PDE1C: variants seen among roughly 807,000 people sequenced by gnomAD.
PDE1C encodes phosphodiesterase 1C, also known as dual specificity calcium/calmodulin-dependent 3',5'-cyclic nucleotide phosphodiesterase 1C.
PDE1C carries 62 observed loss-of-function variants against 93.1 expected under a neutral mutation model. The ratio of observed to expected loss-of-function variants is 0.67; its 90% confidence interval spans 0.54 to 0.82. The LOEUF (loss-of-function observed/expected upper bound fraction) is 0.82. Among genes scored for constraint, PDE1C ranks in the 40% least tolerant of loss-of-function variants. The pLI is 0.00. For synonymous variants in PDE1C, 325 were observed against 310.1 expected (o/e 1.05, Z -0.50); for missense variants, 742 against 884.6 (o/e 0.84, Z 2.04).
chr7:32,099,634 G>A (rs991769887), intron 3 of PDE1C, among the ~76,000 whole-genome samples: 10 of 152,070 alleles, frequency 6.6e-5, no homozygotes, highest in African/African-American at 2.4e-4. Context: ...AAATCAAGTC[G>A]GAACTCCTTG....
chr7:31,802,760 C>T (rs1562825353), intron 16 of PDE1C, among the ~76,000 whole-genome samples: 1 of 151,652 alleles, frequency 6.6e-6, no homozygotes, highest in South Asian at 2.1e-4. Context: ...GCATTGTTCC[C>T]CACAAGACAT....
At chr7:32,208,559 A>C (rs1805778485) in intron 2 of PDE1C, among the ~76,000 whole-genome samples, 1 of 152,170 alleles carries the variant, frequency 6.6e-6, no homozygotes. Context: ...GTGCGAAGAC[A>C]GAGGCCCAGA....
the PDE1C span, chr7:31,643,042 G>A: frequency 6.2e-7 from 1 of 1,614,018 alleles, no homozygotes; most frequent in Non-Finnish European, 8.5e-7. Flanking sequence ...CAGACCCACA[G>A]CCACTTCCAA....
Position 31,955,493 on chromosome 7 carries a change from T to C in PDE1C, c.129-74633A>G, listed in dbSNP as rs542055270. Among the ~76,000 whole-genome samples, 4 of 152,322 alleles carry C rather than the reference T, an allele frequency of 2.6e-5. No homozygotes were observed. In the South Asian group the frequency reaches 8.3e-4, roughly 32 times the overall value. On this transcript the variant is annotated intron_variant, in intron 2 of 17. Coordinates refer to ENST00000396191, the MANE Select transcript of PDE1C (RefSeq NM_001191057.4). Reference sequence around the variant, plus strand: ...CTTATAAAGAACTTAAAAAGTTTAGTCTTCAGGAGGCAATTTCCAGAGAGT... The same window carrying C: ...CTTATAAAGAACTTAAAAAGTTTAGCCTTCAGGAGGCAATTTCCAGAGAGT...
intron 3 of PDE1C, among the ~76,000 whole-genome samples, chr7:32,126,953 G>C (rs1445641959): frequency 2.0e-5 from 3 of 152,122 alleles, no homozygotes; most frequent in Non-Finnish European, 4.4e-5. Flanking sequence ...CTGAGTATAC[G>C]TGTGAGAGTG....
rs189903406 is a variant in PDE1C, at chr7:32,168,609, C to T, written c.308+1176G>A. Among the ~76,000 whole-genome samples, 279 of 152,258 alleles carry T rather than the reference C, an allele frequency of 1.8e-3. 1 individual carries two copies. The highest frequency in any genetic ancestry group is 3.4e-3 in the Middle Eastern group (1 of 294). ...TGCTGAGAATTGCAGGTTCATAAGACGTATTCTCTCAGGTGAGTGGGTTTT... is the reference window on the plus strand; with the variant it reads ...TGCTGAGAATTGCAGGTTCATAAGATGTATTCTCTCAGGTGAGTGGGTTTT... On this transcript the variant is annotated intron_variant, in intron 3 of 18. Transcript: ENST00000396193.
intron 3 of PDE1C, among the ~76,000 whole-genome samples, chr7:32,105,038 C>T (rs1798228935): frequency 6.6e-6 from 1 of 152,044 alleles, no homozygotes; most frequent in Non-Finnish European, 1.5e-5. Flanking sequence ...TCATGTCTCC[C>T]AAGCTGGTGA....
the PDE1C span, among the ~76,000 whole-genome samples, chr7:31,740,534 C>A: frequency 6.6e-6 from 1 of 152,168 alleles, no homozygotes; most frequent in South Asian, 2.1e-4. Context: ...GAAATAAGAT[C>A]TATTTAAGCT....
upstream of PDE1C, among the ~76,000 whole-genome samples, chr7:32,302,834 C>A (rs779089683): frequency 5.3e-5 from 8 of 152,216 alleles, no homozygotes; most frequent in Non-Finnish European, 8.8e-5. Context: ...AGGTAGGAAG[C>A]TACCTACTAT....
intron 1 of PDE1C, among the ~76,000 whole-genome samples, chr7:32,334,831 T>C (rs1288224486): frequency 7.9e-5 from 12 of 152,188 alleles, no homozygotes; most frequent in Non-Finnish European, 1.5e-5. Context: ...ATGTTCATAG[T>C]AGTTATCTTT....
chr7:31,819,182 C>A (rs190503330), intron 14 of PDE1C, among the ~76,000 whole-genome samples: 1 of 152,250 alleles, frequency 6.6e-6, no homozygotes, highest in East Asian at 1.9e-4. Flanking sequence ...CAATTTCCAT[C>A]TCTTAGTCAC....
At chr7:31,950,363 C>T (rs890796929) in intron 2 of PDE1C, among the ~76,000 whole-genome samples, 1 of 152,112 alleles carries the variant, frequency 6.6e-6, no homozygotes, top group South Asian at 2.1e-4. Flanking sequence ...TTACAGCCCA[C>T]CCCAATATCA....
intron 1 of PDE1C, among the ~76,000 whole-genome samples, chr7:32,392,877 C>T (rs945860659): frequency 6.6e-6 from 1 of 151,606 alleles, no homozygotes; most frequent in Non-Finnish European, 1.5e-5. Flanking sequence ...GCAGAAACCC[C>T]GTCTCTACTA....
At chr7:31,733,113 A>G in the PDE1C span, among the ~76,000 whole-genome samples, 14 of 152,202 alleles carry the variant, frequency 9.2e-5, no homozygotes, top group African/African-American at 3.1e-4. Flanking sequence ...GCACATACAT[A>G]TTTATGAGCT....
the PDE1C span, among the ~76,000 whole-genome samples, chr7:31,630,527 G>A: frequency 4.6e-5 from 7 of 152,130 alleles, no homozygotes; most frequent in African/African-American, 1.2e-4. Context: ...TAAAGATTCT[G>A]AGGCTGAATT....
the PDE1C span, among the ~76,000 whole-genome samples, chr7:31,639,118 G>C: frequency 6.6e-6 from 1 of 152,044 alleles, no homozygotes; most frequent in Non-Finnish European, 1.5e-5. Context: ...TTTTCTTCAT[G>C]TTTCTGGTGC....
chr7:31,955,440 T>C (rs951200301), intron 2 of PDE1C, among the ~76,000 whole-genome samples: 1 of 152,262 alleles, frequency 6.6e-6, no homozygotes, highest in African/African-American at 2.4e-5. Context: ...AACAAAATGC[T>C]GAAACCATCA....
chr7:32,147,331 A>AGAAG (rs1445061849), intron 3 of PDE1C, among the ~76,000 whole-genome samples: 3 of 146,674 alleles, frequency 2.0e-5, no homozygotes, highest in Non-Finnish European at 3.0e-5. Context: ...AAAGAAAGAA[A>AGAAG]GACGCTGTTT....
At position 31,881,892 on chromosome 7, in the gene PDE1C, CCA is replaced by C. The variant is rs200603883; in HGVS notation, c.129-1034_129-1033del. 6.2e-3 allele frequency among the ~76,000 whole-genome samples: 950 copies of C among 152,270 alleles called. 3 individuals are homozygous for C. Among genetic ancestry groups the C allele is most frequent in the Non-Finnish European group, 0.01 (714 of 68,022 alleles). On this transcript the variant is annotated intron_variant, in intron 2 of 17. Transcript: ENST00000396191. Reference sequence around the variant, plus strand: ...TGTCATTATTCAATGACTTTGATCACCACAGATAACCAAATGAGAAAAATTCT... The same window carrying C: ...TGTCATTATTCAATGACTTTGATCACCAGATAACCAAATGAGAAAAATTCT...
Sources: allele counts gnomAD v4.1 joint callset (sites outside exome capture counted in the v4.1 genomes callset), GRCh38; gene constraint gnomAD v4.1.1; transcripts MANE v1.5; gene names NCBI Gene and HGNC (gene_info 2026-07-23, HGNC 2026-07-21).